Variants in ZDBF2 observed in about 807,000 individuals in gnomAD.
The protein encoded by ZDBF2 is DBF4-type zinc finger-containing protein 2.
ZDBF2 carries 6 observed loss-of-function variants against 9.4 expected under a neutral mutation model. The observed-to-expected ratio is 0.64, with a 90% CI of 0.35 to 1.27. ZDBF2 has a LOEUF of 1.27. ZDBF2 is among the 50% of genes most tolerant of loss of function. The pLI is 0.03. For missense variants in ZDBF2, 2,697 were observed against 2,766.8 expected, an observed-to-expected ratio of 0.97 and a Z score of 0.57; for synonymous variants, 905 against 946.3, an observed-to-expected ratio of 0.96 and a Z score of 0.80.
chr2:206,292,577 T>A (rs1691951887), intron 3 of ZDBF2, among the ~76,000 whole-genome samples: 1 of 152,002 alleles, frequency 6.6e-6, no homozygotes, highest in Non-Finnish European at 1.5e-5. Context: ...AAAGATTGGA[T>A]AAGAAGAAAT....
chr2:206,300,885 A>G (rs1164495960), intron 4 of ZDBF2, among the ~76,000 whole-genome samples: 1 of 152,048 alleles, frequency 6.6e-6, no homozygotes, highest in Non-Finnish European at 1.5e-5. Context: ...ACTATTTATT[A>G]TTTATTTTGT....
Position 206,305,916 on chromosome 2 carries a change from A to G in ZDBF2, c.1388A>G (p.Asn463Ser), listed in dbSNP as rs201316951. Residue 463 changes from asparagine (N) to serine (S), a missense_variant, in exon 5 of 5, where the codon AAC becomes AGC. Asn to Ser is a conservative substitution (Grantham distance 46). Around this residue, in one of 3 missense-constraint regions of ZDBF2, gnomAD observed 910 missense variants for 973.6 expected, o/e 0.93. Coordinates refer to ENST00000374423, the MANE Select transcript of ZDBF2 (RefSeq NM_020923.3). The part of the protein sequence containing the change: ...DCDDILHLVT[N>S]QSQMIVKEIS... ...GATGACATTCTTCACTTGGTTACCA[A>G]CCAATCCCAAATGATTGTTAAAGAA... The G allele has an allele frequency of 1.9e-4, 311 of 1,613,248 alleles. No individual in the cohort carries two copies. Among genetic ancestry groups the G allele is most frequent in the Non-Finnish European group, 2.6e-4 (308 of 1,179,662 alleles).
At chr2:206,284,426 A>G (rs943295498) in intron 3 of ZDBF2, among the ~76,000 whole-genome samples, 1 of 152,090 alleles carries the variant, frequency 6.6e-6, no homozygotes, top group African/African-American at 2.4e-5. Flanking sequence ...AACTTTTATC[A>G]TTTCTTTGTG....
At chr2:206,279,659 CT>C (rs974020712) in intron 2 of ZDBF2, 67 bp downstream of exon 2, 1 of 151,842 alleles carries the variant, frequency 6.6e-6, no homozygotes, top group Non-Finnish European at 1.5e-5. Context: ...ATAAAAATAC[CT>C]ATTTAGGCAT....
At chr2:206,278,577 C>T (rs1574373082) in intron 1 of ZDBF2, among the ~76,000 whole-genome samples, 1 of 152,100 alleles carries the variant, frequency 6.6e-6, no homozygotes, top group East Asian at 1.9e-4. Context: ...TGGTTTATTG[C>T]CCCTTAAATT....
chr2:206,303,977 C>A (rs890658988), intron 4 of ZDBF2, among the ~76,000 whole-genome samples: 1 of 152,084 alleles, frequency 6.6e-6, no homozygotes, highest in Non-Finnish European at 1.5e-5. Context: ...TGATTCTAGT[C>A]ATTTGCTATT....
Position 206,309,672 on chromosome 2 carries a change from C to A in ZDBF2, c.5144C>A (p.Ser1715Tyr). The A allele has an allele frequency of 6.2e-7, 1 of 1,613,838 alleles. No homozygotes were observed. The highest frequency in any genetic ancestry group is 2.2e-5 in the East Asian group (1 of 44,880). Residue 1715 changes from serine (S) to tyrosine (Y), a missense_variant, in exon 5 of 5, where the codon TCT becomes TAT. This residue lies in a region of ZDBF2 where 1,783 missense variants were observed against 1,776.5 expected (regional missense o/e 1.00). Coordinates refer to ENST00000374423, the MANE Select transcript of ZDBF2 (RefSeq NM_020923.3). The stretch of plus-strand genomic sequence containing the variant: ...GCTTCTGCAGTGGATTTTGGTGCCT[C>A]TTCCAAGTCAGCGCTCCATCGAAGG... ...SSASAVDFGA[S>Y]SKSALHRRAD... is the part of the protein sequence containing the mutation.
At chr2:206,285,864 A>G (rs1691573850) in intron 3 of ZDBF2, among the ~76,000 whole-genome samples, 1 of 152,156 alleles carries the variant, frequency 6.6e-6, no homozygotes, top group Non-Finnish European at 1.5e-5. Flanking sequence ...TTTTCTGCAT[A>G]TAGATATCCA....
chr2:206,310,446 C>T lies in ZDBF2; in HGVS notation c.5918C>T (p.Ser1973Leu). The change falls in exon 5 of 5, where the codon TCA becomes TTA. Residue 1973 changes from serine (S) to leucine (L), a missense_variant. By Grantham distance (145) the Ser-to-Leu change is moderately radical. Coordinates refer to ENST00000374423, the MANE Select transcript of ZDBF2 (RefSeq NM_020923.3). ...QEEDPPKSKC[S>L]RLQDDRKTKK... Reference sequence around the variant, plus strand: ...GAAGACCCACCAAAAAGTAAGTGTTCACGTTTACAGGATGACAGAAAAACC... The same window carrying T: ...GAAGACCCACCAAAAAGTAAGTGTTTACGTTTACAGGATGACAGAAAAACC... 1.9e-6 allele frequency: 3 copies of T among 1,613,890 alleles called. No individual in the cohort carries two copies. The South Asian group carries it at 3.3e-5, about 18-fold the overall frequency.
chr2:206,277,445 A>G (rs1453540313), intron 1 of ZDBF2, among the ~76,000 whole-genome samples: 1 of 111,166 alleles, frequency 9.0e-6, no homozygotes, highest in Non-Finnish European at 2.2e-5. Context: ...TGTTACATAA[A>G]TGAATGAAAT....
In ZDBF2 at chr2:206,307,603, G is replaced by T; in HGVS notation, c.3075G>T (p.Lys1025Asn). The change falls in exon 5 of 5, where the codon AAG (lysine) becomes AAT (asparagine). Residue 1025 changes from lysine (K) to asparagine (N), a missense_variant. This residue lies in a region of ZDBF2 where 1,783 missense variants were observed against 1,776.5 expected (regional missense o/e 1.00). Coordinates refer to ENST00000374423, the MANE Select transcript of ZDBF2 (RefSeq NM_020923.3). ...QVAVNKINRK[K>N]QYVLENKNDK... ...CTGTTAACAAAATAAACAGAAAGAAGCAATATGTTCTAGAAAACAAGAATG... is the reference window on the plus strand; with the variant it reads ...CTGTTAACAAAATAAACAGAAAGAATCAATATGTTCTAGAAAACAAGAATG... The T allele has an allele frequency of 6.2e-7, 1 of 1,612,320 alleles. No homozygotes were observed. The highest frequency in any genetic ancestry group is 8.5e-7 in the Non-Finnish European group (1 of 1,179,342).
intron 3 of ZDBF2, 127 bp from the exon 4 acceptor site, chr2:206,297,119 G>T: frequency 2.0e-6 from 1 of 493,084 alleles, no homozygotes. Context: ...GCAAATTTCA[G>T]AATTGCTTTA....
At position 206,304,792 on chromosome 2, in the gene ZDBF2, A is replaced by G. The variant is rs1553528251; in HGVS notation, c.264A>G (p.Glu88=). The change falls in exon 5 of 5, where the codon GAA becomes GAG. Residue 88 remains glutamate, a synonymous_variant. Coordinates refer to ENST00000374423, the MANE Select transcript of ZDBF2 (RefSeq NM_020923.3). ...EVVHLDDAFS[E]EEEEDEDKVE... is the part of the protein sequence containing the mutation. Reference sequence around the variant, plus strand: ...TGCATTTGGATGATGCTTTTTCTGAAGAAGAGGAAGAGGATGAGGATAAGG... The same window carrying G: ...TGCATTTGGATGATGCTTTTTCTGAGGAAGAGGAAGAGGATGAGGATAAGG... 1.1e-5 allele frequency: 18 copies of G among 1,613,516 alleles called. No individual in the cohort carries two copies. Among genetic ancestry groups the G allele is most frequent in the South Asian group, 8.8e-5 (8 of 91,062 alleles).
intron 2 of ZDBF2, 64 bp from the exon 3 acceptor site, chr2:206,281,737 A>G (rs1054882873): frequency 2.1e-6 from 2 of 952,152 alleles, no homozygotes; most frequent in African/African-American, 1.7e-5. Flanking sequence ...GCTAATTATC[A>G]TAGCCATTTT....
Position 206,309,755 on chromosome 2 carries a change from C to T in ZDBF2, c.5227C>T (p.Pro1743Ser). The change falls in exon 5 of 5, where the codon CCG becomes TCG. Residue 1743 changes from proline to serine, a missense_variant. Coordinates refer to ENST00000374423, the MANE Select transcript of ZDBF2 (RefSeq NM_020923.3). ...TAGAGATCTAGAAGTGAGCTGTGAA[C>T]CGGATGGTTTTGAGATGAATTTTCA... Reference protein sequence around the residue: ...KHRDLEVSCEPDGFEMNFQCA... With the variant: ...KHRDLEVSCESDGFEMNFQCA... 1.2e-6 allele frequency: 2 copies of T among 1,613,874 alleles called. No homozygotes were observed. The highest frequency in any genetic ancestry group is 1.3e-5 in the African/African-American group (1 of 75,020).
Position 206,309,088 on chromosome 2 carries a change from C to G in ZDBF2, c.4560C>G (p.Thr1520=), listed in dbSNP as rs769711417. ...VNQFPGSVKE[T]HLPKVVLVDL... Reference sequence around the variant, plus strand: ...AATTTCCAGGATCAGTCAAAGAAACCCACCTTCCAAAGGTGGTACTTGTGG... The same window carrying G: ...AATTTCCAGGATCAGTCAAAGAAACGCACCTTCCAAAGGTGGTACTTGTGG... The change falls in exon 5 of 5, where the codon ACC becomes ACG. Residue 1520 remains threonine, a synonymous_variant. Transcript: ENST00000374423. 1.9e-6 allele frequency: 3 copies of G among 1,613,736 alleles called. No homozygotes were observed. In the African/African-American group the frequency reaches 4.0e-5, roughly 22 times the overall value.
intron 4 of ZDBF2, among the ~76,000 whole-genome samples, chr2:206,303,622 T>C (rs1471348947): frequency 6.6e-6 from 1 of 152,182 alleles, no homozygotes; most frequent in Non-Finnish European, 1.5e-5. Flanking sequence ...AAATTTTGAA[T>C]GGGAAATACA....
At chr2:206,298,697 T>C (rs1692332687) in intron 4 of ZDBF2, among the ~76,000 whole-genome samples, 1 of 151,918 alleles carries the variant, frequency 6.6e-6, no homozygotes, top group African/African-American at 2.4e-5. Context: ...CTAATTGTTT[T>C]GTATATTTAG....
At position 206,308,315 on chromosome 2, in the gene ZDBF2, G is replaced by GCC. The variant is rs1692933547; in HGVS notation, c.3787_3788insCC (p.Glu1263AlafsTer24). On this transcript the variant is annotated frameshift_variant, in exon 5 of 5. Coordinates refer to ENST00000374423, the MANE Select transcript of ZDBF2 (RefSeq NM_020923.3). LOFTEE classifies it low-confidence loss of function (END_TRUNC). Reference sequence around the variant, plus strand: ...TGGCCAACCTGAAGAAGTAGTTAAGGAGGTCAGTCTTTGGAAAGAGCATGT... The same window carrying GCC: ...TGGCCAACCTGAAGAAGTAGTTAAGGCCAGGTCAGTCTTTGGAAAGAGCATGT... 1 of 1,613,768 alleles carries GCC rather than the reference G, an allele frequency of 6.2e-7. No homozygotes were observed. The highest frequency in any genetic ancestry group is 8.5e-7 in the Non-Finnish European group (1 of 1,179,862).
Sources: gnomAD v4.1 joint callset for allele counts (sites outside exome capture counted in the v4.1 genomes callset) on GRCh38, gnomAD v4.1.1 for gene constraint, gnomAD v4.1.1 regional missense constraint, MANE v1.5 for transcripts, NCBI Gene and HGNC (gene_info 2026-07-23, HGNC 2026-07-21) for gene names.